Variants in FREM1 observed in about 807,000 individuals in gnomAD.
The protein encoded by FREM1 is FRAS1 related extracellular matrix 1.
FREM1 carries 220 observed loss-of-function variants against 210.1 expected under a neutral mutation model. The observed-to-expected ratio is 1.05, with a 90% CI of 0.94 to 1.17. The LOEUF is 1.17. Ranked by LOEUF, FREM1 falls within the 50% of genes most tolerant of loss-of-function variation. FREM1 has a pLI of 0.00. For missense variants in FREM1, 3,454 were observed against 2,675.5 expected, an observed-to-expected ratio of 1.29 and a Z score of -6.42; for synonymous variants, 1,189 against 980.2, an observed-to-expected ratio of 1.21 and a Z score of -3.98.
At chr9:14,757,794 T>C (rs78726013) in intron 28 of FREM1, among the ~76,000 whole-genome samples, 2,152 of 152,274 alleles carry the variant, frequency 0.014, 50 homozygotes, top group East Asian at 0.068. Context: ...CCCCCTCATA[T>C]ATTAATTGGT....
rs758886306 is a variant in FREM1 at position 14,759,878 on chromosome 9, A to G, written c.5228T>C (p.Ile1743Thr). 9 of 1,611,500 alleles carry G rather than the reference A, an allele frequency of 5.6e-6. No homozygotes were observed. The highest frequency in any genetic ancestry group is 5.0e-5 in the Admixed American group (3 of 59,840). ...TTCATATTCGGTCTGTGACCATTCA[A>G]TATGAGACCACTTCAGTTCCAAACT... The part of the protein sequence containing the change: ...PQILELKWSH[I>T]EWSQTEYEVC... Residue 1743 changes from isoleucine (I) to threonine (T), a missense_variant, in exon 28 of 37, where the codon ATT becomes ACT. Transcript: ENST00000380880.
intron 16 of FREM1, among the ~76,000 whole-genome samples, chr9:14,811,248 A>T (rs879766719): frequency 5.8e-4 from 89 of 152,188 alleles, no homozygotes; most frequent in Middle Eastern, 3.4e-3. Context: ...TTTTATTTTA[A>T]AAAAAATTAG....
intron 17 of FREM1, 83 bp downstream of exon 17, chr9:14,807,857 T>C: frequency 1.1e-6 from 1 of 942,274 alleles, no homozygotes; most frequent in East Asian, 2.7e-5. Flanking sequence ...TTTTAGACTA[T>C]AAATGAAATG....
chr9:14,746,142 C>T (rs1295955872), intron 35 of FREM1, among the ~76,000 whole-genome samples: 1 of 152,036 alleles, frequency 6.6e-6, no homozygotes, highest in African/African-American at 2.4e-5. Flanking sequence ...GCAAAAACTG[C>T]AAGTACTTTT....
At chr9:14,846,940 C>G (rs530199869) in intron 7 of FREM1, among the ~76,000 whole-genome samples, 2 of 152,156 alleles carry the variant, frequency 1.3e-5, no homozygotes, top group East Asian at 3.9e-4. Context: ...CTGATGCAGC[C>G]GGCTACCTCC....
At position 14,779,679 on chromosome 9, in the gene FREM1, T is replaced by G. The variant is rs139983722; in HGVS notation, c.4443-3476A>C. The G allele has an allele frequency of 9.7e-3, 1,556 of 159,940 alleles. 25 individuals are homozygous for G. The highest frequency in any genetic ancestry group is 0.035 in the African/African-American group (1,472 of 41,642). 9.9% of individuals were successfully genotyped at this position (159,940 alleles called of 1,614,324 possible). ...CAAACCCCTCCCTGCTGGAAGATCGTGATCTGCCCACGTTGGAAACAGGCA... is the reference window on the plus strand; with the variant it reads ...CAAACCCCTCCCTGCTGGAAGATCGGGATCTGCCCACGTTGGAAACAGGCA... On this transcript the variant is annotated intron_variant, in intron 24 of 36. Transcript: ENST00000380880.
At position 14,860,998 on chromosome 9, in the gene FREM1, TATAC is replaced by T. The variant is rs1431396866; in HGVS notation, c.330-1518_330-1515del. On this transcript the variant is annotated intron_variant, in intron 3 of 36. Transcript: ENST00000380880. ...ACATATATACACATATATACATATA[TATAC>T]ACATATATACATATATACACATATA... is the stretch of plus-strand genomic sequence containing the variant. Among the ~76,000 whole-genome samples, 100 of 120,130 alleles carry T rather than the reference TATAC, an allele frequency of 8.3e-4. 20 individuals carry two copies. Among genetic ancestry groups the T allele is most frequent in the African/African-American group, 3.5e-3 (95 of 27,106 alleles). The allele number at this position is 120,130 out of a possible 152,430, so 78.8% of individuals were successfully genotyped here. A position where few individuals can be genotyped will look rare whatever the true frequency, so the allele number is the denominator to read the frequency against.
At chr9:14,815,375 C>T (rs1382252227) in intron 15 of FREM1, among the ~76,000 whole-genome samples, 1 of 152,096 alleles carries the variant, frequency 6.6e-6, no homozygotes, top group African/African-American at 2.4e-5. Context: ...ATGTGAACAT[C>T]CTTTATTAGT....
At chr9:14,756,832 T>C (rs986167547) in intron 28 of FREM1, among the ~76,000 whole-genome samples, 2 of 152,112 alleles carry the variant, frequency 1.3e-5, no homozygotes, top group Non-Finnish European at 2.9e-5. Flanking sequence ...GGGAGAAAAT[T>C]GATGAGGAGA....
intron 23 of FREM1, among the ~76,000 whole-genome samples, chr9:14,787,859 A>G (rs1850655992): frequency 6.6e-6 from 1 of 152,210 alleles, no homozygotes; most frequent in Non-Finnish European, 1.5e-5. Flanking sequence ...AAATGTGTAC[A>G]GTAACATCTA....
At chr9:14,814,761 A>C (rs1202804607) in intron 15 of FREM1, among the ~76,000 whole-genome samples, 5 of 152,182 alleles carry the variant, frequency 3.3e-5, no homozygotes, top group Non-Finnish European at 7.4e-5. Context: ...GTCCAAAGGC[A>C]ATAGAATTAA....
In FREM1 at chr9:14,835,158, C is replaced by T. The variant is rs149719873; in HGVS notation, c.1881+6289G>A. The stretch of plus-strand genomic sequence containing the variant: ...ACTGCACTCACAAAGTTAAAGCAAA[C>T]TTTTTAACTTTCGCTTGGAATATTG... On this transcript the variant is annotated intron_variant, in intron 10 of 36. Transcript: ENST00000380880. 3.3e-4 allele frequency among the ~76,000 whole-genome samples: 51 copies of T among 152,268 alleles called. No homozygotes were observed. The East Asian group carries it at 9.5e-3, about 28-fold the overall frequency.
chr9:14,790,856 G>C (rs1254486447), intron 22 of FREM1: 1 of 152,142 alleles, frequency 6.6e-6, no homozygotes, highest in Non-Finnish European at 1.5e-5. Context: ...CCGTTCCCAA[G>C]CCACCCAAAT....
intron 22 of FREM1, among the ~76,000 whole-genome samples, 198 bp downstream of exon 22, chr9:14,792,545 A>C (rs1300388841): frequency 1.3e-5 from 2 of 152,196 alleles, no homozygotes; most frequent in East Asian, 3.9e-4. Flanking sequence ...GAAGAATCTT[A>C]ATATTTGTTG....
chr9:14,837,561 G>A (rs904710662), intron 10 of FREM1, among the ~76,000 whole-genome samples: 1 of 152,104 alleles, frequency 6.6e-6, no homozygotes, highest in Non-Finnish European at 1.5e-5. Flanking sequence ...ACACATTGGA[G>A]AATAAATTAG....
In FREM1 at chr9:14,819,336, G is replaced by T. The variant is rs755890194; in HGVS notation, c.2444C>A (p.Ser815Tyr). 3 of 1,613,770 alleles carry T rather than the reference G, an allele frequency of 1.9e-6. No homozygotes were observed. The highest frequency in any genetic ancestry group is 1.7e-5 in the Admixed American group (1 of 60,000). ...TCCGTGCAGAGGCAATTCCCGCAGG[G>T]AGAGGTCAATATTGTCCAGCTTGGT... ...ADTKLDNIDL[S>Y]LRELPLHGRV... Residue 815 changes from serine to tyrosine, a missense_variant, in exon 14 of 37, where the codon TCC becomes TAC. Physicochemically the swap from Ser to Tyr is moderately radical, Grantham distance 144. Coordinates refer to ENST00000380880, the MANE Select transcript of FREM1 (RefSeq NM_001379081.2).
At chr9:14,823,536 C>A (rs1821766294) in intron 12 of FREM1, among the ~76,000 whole-genome samples, 2 of 152,210 alleles carry the variant, frequency 1.3e-5, no homozygotes, top group African/African-American at 2.4e-5. Context: ...AGGAAGAATT[C>A]TCCTACAGGG....
intron 34 of FREM1, 101 bp downstream of exon 34, chr9:14,746,822 T>C (rs947280592): frequency 3.7e-6 from 5 of 1,357,246 alleles, no homozygotes; most frequent in South Asian, 1.5e-5. Context: ...GGCAGGAAGA[T>C]GTAGCATGGG....
At chr9:14,740,103 T>C in intron 36 of FREM1, 46 bp downstream of exon 36, 1 of 1,291,952 alleles carries the variant, frequency 7.7e-7, no homozygotes, top group Non-Finnish European at 1.1e-6. Context: ...GTTTGTTTCA[T>C]GTCCTTGCCT....
Sources: gnomAD v4.1 joint callset for allele counts (sites outside exome capture counted in the v4.1 genomes callset) on GRCh38, gnomAD v4.1.1 for gene constraint, MANE v1.5 for transcripts, NCBI Gene and HGNC (gene_info 2026-07-23, HGNC 2026-07-21) for gene names.